Variants in XKR4 observed in about 807,000 individuals in gnomAD.
XKR4 encodes XK related 4.
XKR4 carries 12 observed loss-of-function variants against 53.9 expected under a neutral mutation model. The ratio of observed to expected loss-of-function variants is 0.22; its 90% CI spans 0.14 to 0.36. The LOEUF is 0.36. Among genes scored for constraint, XKR4 ranks in the 10% least tolerant of loss-of-function variants. The pLI, the probability that XKR4 is intolerant of heterozygous loss-of-function variation, is 1.00. For missense variants in XKR4, 799 were observed against 859.5 expected, an observed-to-expected ratio of 0.93 and a Z score of 0.88; for synonymous variants, 354 against 362.4, an observed-to-expected ratio of 0.98 and a Z score of 0.26.
chr8:55,135,311 A>G, intron 1 of XKR4: 1 of 185,400 alleles, frequency 5.4e-6, no homozygotes, highest in Non-Finnish European at 1.2e-5. Context: ...TGTGATGCAC[A>G]GTTTTTAAAA....
chr8:55,346,667 C>T (rs943470431), intron 1 of XKR4, among the ~76,000 whole-genome samples: 4 of 142,388 alleles, frequency 2.8e-5, no homozygotes, highest in African/African-American at 1.1e-4. Flanking sequence ...GTAACAAAAA[C>T]AGAAACCTGT....
intron 1 of XKR4, among the ~76,000 whole-genome samples, chr8:55,298,940 G>A (rs1433130839): frequency 6.6e-6 from 1 of 152,182 alleles, no homozygotes; most frequent in Admixed American, 6.5e-5. Flanking sequence ...GAACAGTCGT[G>A]TAGTTATCAA....
intron 1 of XKR4, among the ~76,000 whole-genome samples, chr8:55,205,243 T>C (rs1471811326): frequency 1.3e-5 from 2 of 152,258 alleles, no homozygotes; most frequent in African/African-American, 2.4e-5. Context: ...TAGCTGATCA[T>C]GTTTTACAAT....
intron 1 of XKR4, among the ~76,000 whole-genome samples, chr8:55,175,965 T>C (rs1817228772): frequency 6.6e-6 from 1 of 152,234 alleles, no homozygotes; most frequent in Non-Finnish European, 1.5e-5. Context: ...CAGTTTGCAC[T>C]CTATAGAATG....
At chr8:55,301,941 A>G (rs1260832192) in intron 1 of XKR4, among the ~76,000 whole-genome samples, 4 of 152,136 alleles carry the variant, frequency 2.6e-5, no homozygotes, top group Non-Finnish European at 4.4e-5. Context: ...CCCATTTTGT[A>G]GGTTGCCTGT....
chr8:55,112,960 C>T lies in XKR4; in HGVS notation c.806+9666C>T, dbSNP rs565795019. ...TTGTATTTCCAGGAAATCTACTACT[C>T]GTAAGAGTGGCAGTCACAAATACAT... On this transcript the variant is annotated intron_variant, in intron 1 of 2. Coordinates refer to ENST00000327381, the MANE Select transcript of XKR4 (RefSeq NM_052898.2). Among the ~76,000 whole-genome samples the T allele has an allele frequency of 2.2e-4, 33 of 152,146 alleles. No individual in the cohort carries two copies. The South Asian group carries it at 6.2e-3, about 29-fold the overall frequency.
chr8:55,380,466 G>T (rs1804215233), intron 2 of XKR4, among the ~76,000 whole-genome samples: 1 of 152,216 alleles, frequency 6.6e-6, no homozygotes. Context: ...AAACCCCTCA[G>T]GAAATTAAGT....
intron 2 of XKR4, among the ~76,000 whole-genome samples, chr8:55,509,768 C>T (rs1469015150): frequency 1.3e-5 from 2 of 152,204 alleles, no homozygotes; most frequent in East Asian, 1.9e-4. Context: ...CCATTTCATC[C>T]TCTAAGAACC....
chr8:55,374,588 G>A (rs776934687), intron 2 of XKR4, among the ~76,000 whole-genome samples: 42 of 152,320 alleles, frequency 2.8e-4, no homozygotes, highest in Middle Eastern at 3.4e-3. Flanking sequence ...AAGAAAATAA[G>A]AGAGAGGTGG....
intron 2 of XKR4, among the ~76,000 whole-genome samples, chr8:55,413,626 TAAACA>T (rs1160009856): frequency 6.6e-6 from 1 of 152,244 alleles, no homozygotes; most frequent in East Asian, 1.9e-4. Context: ...TTAATATAAC[TAAACA>T]AGTTTTTTAA....
chr8:55,303,685 G>A (rs1819242463), intron 1 of XKR4, among the ~76,000 whole-genome samples: 1 of 152,140 alleles, frequency 6.6e-6, no homozygotes, highest in African/African-American at 2.4e-5. Flanking sequence ...GCCTGTTATT[G>A]GTCTATTCAG....
At chr8:55,470,704 T>C (rs1805866914) in intron 2 of XKR4, among the ~76,000 whole-genome samples, 1 of 152,164 alleles carries the variant, frequency 6.6e-6, no homozygotes, top group African/African-American at 2.4e-5. Flanking sequence ...TTTGGAACAA[T>C]AACTATCATT....
chr8:55,139,779 G>A (rs185955665), intron 1 of XKR4, among the ~76,000 whole-genome samples: 4 of 152,032 alleles, frequency 2.6e-5, no homozygotes, highest in Non-Finnish European at 5.9e-5. Context: ...TGCCTCAAAA[G>A]GTTTGTGTGA....
At chr8:55,173,293 C>CT (rs1027690513) in intron 1 of XKR4, among the ~76,000 whole-genome samples, 116 of 146,592 alleles carry the variant, frequency 7.9e-4, no homozygotes, top group African/African-American at 1.9e-3. Context: ...CCCATCAACA[C>CT]TTTTTTTTTT....
chr8:55,399,956 GC>G (rs1563341002), intron 2 of XKR4, among the ~76,000 whole-genome samples: 3 of 152,190 alleles, frequency 2.0e-5, no homozygotes, highest in African/African-American at 4.8e-5. Context: ...TCCAGGTTCT[GC>G]CCCTCGGGTT....
chr8:55,419,118 C>T (rs1473009141), intron 2 of XKR4, among the ~76,000 whole-genome samples: 2 of 152,130 alleles, frequency 1.3e-5, no homozygotes. Context: ...GGCACGGTGG[C>T]TCACGGCTGT....
chr8:55,480,886 A>G (rs535348934), intron 2 of XKR4, among the ~76,000 whole-genome samples: 71 of 152,258 alleles, frequency 4.7e-4, no homozygotes, highest in South Asian at 8.3e-4. Context: ...CCACTGCTCT[A>G]TGAAATAAAA....
At chr8:55,451,004 C>G (rs2939632) in intron 2 of XKR4, 2 of 537,896 alleles carry the variant, frequency 3.7e-6, no homozygotes, top group Non-Finnish European at 7.1e-6. Context: ...CCTTCAGCAG[C>G]TTTTTGAAGC....
At chr8:55,165,858 T>C (rs1372284411) in intron 1 of XKR4, among the ~76,000 whole-genome samples, 1 of 151,926 alleles carries the variant, frequency 6.6e-6, no homozygotes, top group Non-Finnish European at 1.5e-5. Context: ...ATATGGTATT[T>C]GAAGGTCAAA....
Sources: allele counts gnomAD v4.1 joint callset (sites outside exome capture counted in the v4.1 genomes callset), GRCh38; gene constraint gnomAD v4.1.1; transcripts MANE v1.5; gene names NCBI Gene and HGNC (gene_info 2026-07-23, HGNC 2026-07-21).